The following SLC25A48 variants were observed in gnomAD, a reference collection of about 807,000 sequenced individuals.
SLC25A48 encodes the protein solute carrier family 25 member 48.
A neutral mutation model predicts 32.2 loss-of-function variants in SLC25A48; 29 were observed. That is an observed-to-expected ratio of 0.90 (90% CI 0.67 to 1.23). The LOEUF (loss-of-function observed/expected upper bound fraction) is 1.23, where lower values mean the gene tolerates loss of function less well. SLC25A48 is among the 50% of genes most tolerant of loss of function. The pLI is 0.00. For missense variants in SLC25A48, 399 were observed against 422.7 expected, an observed-to-expected ratio of 0.94 and a Z score of 0.49; for synonymous variants, 164 against 172.3, an observed-to-expected ratio of 0.95 and a Z score of 0.38.
chr5:135,764,785 G>A (rs1448005344), intron 3 of SLC25A48, among the ~76,000 whole-genome samples: 2 of 151,230 alleles, frequency 1.3e-5, no homozygotes, highest in East Asian at 2.0e-4. Flanking sequence ...TATCAAGGGC[G>A]AGAGAGGGTG....
chr5:135,856,721 G>C (rs1760354314), intron 4 of SLC25A48, among the ~76,000 whole-genome samples: 1 of 152,194 alleles, frequency 6.6e-6, no homozygotes, highest in South Asian at 2.1e-4. Context: ...AATTCAATTT[G>C]ATTCAAGGGT....
intron 2 of SLC25A48, among the ~76,000 whole-genome samples, chr5:135,632,422 G>GCTCTCTTT (rs1752597527): frequency 6.6e-6 from 1 of 152,178 alleles, no homozygotes; most frequent in Admixed American, 6.5e-5. Context: ...GAATGCCAAA[G>GCTCTCTTT]AGAGGCACAG....
intron 3 of SLC25A48, among the ~76,000 whole-genome samples, chr5:135,654,328 C>T (rs994319849): frequency 7.9e-5 from 12 of 152,062 alleles, no homozygotes; most frequent in Non-Finnish European, 1.2e-4. Context: ...GCTCAGGAGT[C>T]GATTCCAATA....
chr5:135,751,925 C>T (rs1755780378), intron 3 of SLC25A48, among the ~76,000 whole-genome samples: 1 of 152,132 alleles, frequency 6.6e-6, no homozygotes, highest in South Asian at 2.1e-4. Flanking sequence ...GAAAGGCTAG[C>T]TTTTTCAACC....
At chr5:135,759,082 G>A (rs1042401707) in intron 3 of SLC25A48, among the ~76,000 whole-genome samples, 2 of 151,738 alleles carry the variant, frequency 1.3e-5, no homozygotes, top group African/African-American at 4.8e-5. Context: ...ATAATATCTA[G>A]TGTTAACACA....
intron 3 of SLC25A48, among the ~76,000 whole-genome samples, chr5:135,791,997 T>C (rs989519673): frequency 6.6e-6 from 1 of 151,848 alleles, no homozygotes; most frequent in African/African-American, 2.4e-5. Flanking sequence ...TGAATTACTT[T>C]AGGAAGATAT....
chr5:135,616,047 T>G (rs1276382007), intron 1 of SLC25A48, among the ~76,000 whole-genome samples: 4 of 152,208 alleles, frequency 2.6e-5, no homozygotes, highest in African/African-American at 4.8e-5. Context: ...GTGCAAGAGT[T>G]GAGACTTGGG....
At chr5:135,847,094 G>A (rs1258466937) in intron 2 of SLC25A48, among the ~76,000 whole-genome samples, 3 of 152,178 alleles carry the variant, frequency 2.0e-5, no homozygotes, top group African/African-American at 7.2e-5. Flanking sequence ...CATCAATTCT[G>A]TAGGCCCAAA....
rs531522403 is a variant in SLC25A48 at position 135,823,776 on chromosome 5, C to T, written c.-117+10850C>T. Among the ~76,000 whole-genome samples, 3 of 152,282 alleles carry T rather than the reference C, an allele frequency of 2.0e-5. No individual in the cohort carries two copies. The East Asian group carries it at 5.8e-4, about 29-fold the overall frequency. ...GGGACATTAGGGAAGTGACCTTAAC[C>T]AAGCGCTGAGGAAGTCACCACCTAG... is the stretch of plus-strand genomic sequence containing the variant. On this transcript the variant is annotated intron_variant, in intron 4 of 10. Transcript: ENST00000646290.
chr5:135,726,965 T>C (rs1755104684), intron 3 of SLC25A48, among the ~76,000 whole-genome samples: 1 of 152,148 alleles, frequency 6.6e-6, no homozygotes, highest in Non-Finnish European at 1.5e-5. Context: ...TCGGCAGCAT[T>C]TGGTGTCACT....
intron 3 of SLC25A48, among the ~76,000 whole-genome samples, chr5:135,643,405 G>T (rs924362809): frequency 6.6e-6 from 1 of 152,190 alleles, no homozygotes; most frequent in African/African-American, 2.4e-5. Flanking sequence ...AGCCACACTT[G>T]CAGGAAGAGC....
At chr5:135,611,496 CAAAAAAAAAA>C (rs57138043) in intron 1 of SLC25A48, among the ~76,000 whole-genome samples, 305 of 21,332 alleles carry the variant, frequency 0.014, 1 homozygote, top group African/African-American at 0.043. Context: ...GACTCCATCT[CAAAAAAAAAA>C]AAAAAAAAAA....
intron 5 of SLC25A48, chr5:135,872,145 T>G: frequency 4.1e-6 from 2 of 487,148 alleles, no homozygotes; most frequent in Non-Finnish European, 6.3e-6. Context: ...TCCCAGGTCA[T>G]ACAGCTGGAG....
At chr5:135,766,822 G>T (rs1180451876) in intron 3 of SLC25A48, among the ~76,000 whole-genome samples, 1 of 151,208 alleles carries the variant, frequency 6.6e-6, no homozygotes, top group Non-Finnish European at 1.5e-5. Context: ...TGCCGAAAGT[G>T]TACACCATCT....
chr5:135,871,880 C>G, intron 5 of SLC25A48, 162 bp downstream of exon 5: 1 of 1,505,306 alleles, frequency 6.6e-7, no homozygotes, highest in African/African-American at 1.4e-5. Flanking sequence ...CGGCCCTCTC[C>G]CACCTCAGTC....
At chr5:135,609,417 T>A (rs1000332029) in intron 1 of SLC25A48, 2 of 152,082 alleles carry the variant, frequency 1.3e-5, no homozygotes, top group African/African-American at 4.8e-5. Context: ...AACCGGCAAA[T>A]AAAATAGATC....
At chr5:135,692,637 T>G (rs561577800) in intron 3 of SLC25A48, among the ~76,000 whole-genome samples, 2 of 152,256 alleles carry the variant, frequency 1.3e-5, no homozygotes, top group African/African-American at 4.8e-5. Context: ...ACGGGAAAGG[T>G]AGGAAATGCC....
intron 3 of SLC25A48, among the ~76,000 whole-genome samples, chr5:135,761,831 T>C (rs1756067376): frequency 6.6e-6 from 1 of 152,142 alleles, no homozygotes; most frequent in Admixed American, 6.5e-5. Context: ...GGATTCCAGA[T>C]CCTGCGCCCC....
At chr5:135,801,499 C>T (rs989873815) in intron 3 of SLC25A48, among the ~76,000 whole-genome samples, 1 of 150,676 alleles carries the variant, frequency 6.6e-6, no homozygotes, top group African/African-American at 2.4e-5. Flanking sequence ...GTGTAAACCC[C>T]CTGTGATGTT....
Sources: gnomAD v4.1 joint callset for allele counts (sites outside exome capture counted in the v4.1 genomes callset) on GRCh38, gnomAD v4.1.1 for gene constraint, MANE v1.5 for transcripts, NCBI Gene and HGNC (gene_info 2026-07-23, HGNC 2026-07-21) for gene names.